The following LRRC28 variants were observed in gnomAD, a reference collection of about 807,000 sequenced individuals.
The protein encoded by LRRC28 is leucine-rich repeat-containing protein 28.
A neutral mutation model predicts 45.7 loss-of-function variants in LRRC28; 39 were observed. The ratio of observed to expected loss-of-function variants is 0.85; its 90% CI spans 0.66 to 1.12. The LOEUF (loss-of-function observed/expected upper bound fraction) is 1.12. LRRC28 is among the 50% of genes most tolerant of loss of function. LRRC28 has a pLI of 0.00. For missense variants in LRRC28, 435 were observed against 438.5 expected, an observed-to-expected ratio of 0.99 and a Z score of 0.07; for synonymous variants, 206 against 178.8, an observed-to-expected ratio of 1.15 and a Z score of -1.22.
rs577676728 is a variant in LRRC28, at chr15:99,348,128, T to A, written c.593-4241T>A. ...TGCCCATTATTTAATTGAGTTGTTT[T>A]TCTGCTATTACGTTATAAGAGTTCT... On this transcript the variant is annotated intron_variant, in intron 6 of 9. Coordinates refer to ENST00000301981, the MANE Select transcript of LRRC28 (RefSeq NM_144598.5). 4.6e-5 allele frequency among the ~76,000 whole-genome samples: 7 copies of A among 152,334 alleles called. No individual in the cohort carries two copies. In the East Asian group the frequency reaches 1.3e-3, roughly 29 times the overall value.
chr15:99,258,365 C>T (rs968536183), intron 2 of LRRC28: 32 of 1,242,738 alleles, frequency 2.6e-5, no homozygotes, highest in Non-Finnish European at 3.4e-5. Context: ...GACCATTACC[C>T]TTGTCTTAAA....
intron 6 of LRRC28, 50 bp downstream of exon 6, chr15:99,334,179 C>A: frequency 1.3e-6 from 2 of 1,591,722 alleles, no homozygotes; most frequent in Non-Finnish European, 1.7e-6. Context: ...GATGGAAAGC[C>A]TTTGTTTCTT....
intron 5 of LRRC28, among the ~76,000 whole-genome samples, chr15:99,301,288 T>G (rs1954959990): frequency 2.0e-5 from 3 of 152,212 alleles, no homozygotes; most frequent in African/African-American, 4.8e-5. Context: ...ATTTTAACCT[T>G]TTTCTTTTGA....
At chr15:99,375,498 T>C (rs1255091482) in intron 9 of LRRC28, among the ~76,000 whole-genome samples, 1 of 152,206 alleles carries the variant, frequency 6.6e-6, no homozygotes, top group Non-Finnish European at 1.5e-5. Context: ...AGTTAGGAAG[T>C]GTTCTTCTTC....
At chr15:99,375,730 G>C (rs1957609918) in intron 9 of LRRC28, among the ~76,000 whole-genome samples, 1 of 152,044 alleles carries the variant, frequency 6.6e-6, no homozygotes, top group Non-Finnish European at 1.5e-5. Context: ...CTGTTTCTTT[G>C]AAGTTGTCAG....
chr15:99,334,233 G>C (rs904314287), intron 6 of LRRC28, 104 bp downstream of exon 6: 9 of 1,292,144 alleles, frequency 7.0e-6, no homozygotes, highest in African/African-American at 1.5e-5. Context: ...TGTTTATCTT[G>C]ACGATTGCTT....
In LRRC28 at chr15:99,282,179, T is replaced by TTTTTTTTTTTTTTTG. The variant is rs1298401897; in HGVS notation, c.210-5066_210-5065insTTGTTTTTTTTTTTT. Among the ~76,000 whole-genome samples the TTTTTTTTTTTTTTTG allele has an allele frequency of 3.0e-5, 4 of 135,460 alleles. 1 individual carries two copies. The highest frequency in any genetic ancestry group is 6.3e-5 in the Non-Finnish European group (4 of 63,514). 88.9% of individuals were successfully genotyped at this position (135,460 alleles called of 152,430 possible). ...ATTCCTTATGCAAATTTTTGGAGGTTTTTTTTTTTTTTGTAGCAGTAGCTC... is the reference window on the plus strand; with the variant it reads ...ATTCCTTATGCAAATTTTTGGAGGTTTTTTTTTTTTTTTTGTTTTTTTTTTTTGTAGCAGTAGCTC... On this transcript the variant is annotated intron_variant, in intron 3 of 9. Coordinates refer to ENST00000301981, the MANE Select transcript of LRRC28 (RefSeq NM_144598.5).
chr15:99,305,674 A>G (rs1207759986), intron 5 of LRRC28, among the ~76,000 whole-genome samples: 1 of 152,124 alleles, frequency 6.6e-6, no homozygotes, highest in African/African-American at 2.4e-5. Context: ...ATGATGTGCA[A>G]ATTTGGGGTC....
chr15:99,365,711 CT>C (rs1316664476), intron 9 of LRRC28, among the ~76,000 whole-genome samples: 1 of 152,196 alleles, frequency 6.6e-6, no homozygotes, highest in Non-Finnish European at 1.5e-5. Flanking sequence ...ATGTGAACAT[CT>C]GGCATTATTT....
At chr15:99,381,932 T>C (rs190662269) in intron 9 of LRRC28, among the ~76,000 whole-genome samples, 207 of 152,340 alleles carry the variant, frequency 1.4e-3, no homozygotes, top group African/African-American at 4.1e-3. Flanking sequence ...GAGGTGTCAG[T>C]CTGCCCCTAC....
chr15:99,326,067 T>G (rs1032523552), intron 5 of LRRC28, among the ~76,000 whole-genome samples: 2 of 152,150 alleles, frequency 1.3e-5, no homozygotes, highest in Admixed American at 1.3e-4. Context: ...AGTATGGATT[T>G]TGGAGTGTGG....
intron 6 of LRRC28, among the ~76,000 whole-genome samples, chr15:99,351,714 G>A (rs1213444520): frequency 6.6e-6 from 1 of 152,112 alleles, no homozygotes; most frequent in Non-Finnish European, 1.5e-5. Flanking sequence ...CTCTGTATAA[G>A]GTGTTAAAGA....
chr15:99,321,285 CGTGA>C (rs1955787610), intron 5 of LRRC28, among the ~76,000 whole-genome samples: 1 of 152,162 alleles, frequency 6.6e-6, no homozygotes, highest in Non-Finnish European at 1.5e-5. Flanking sequence ...TATTTGCTTA[CGTGA>C]CTTCTGACAT....
intron 9 of LRRC28, among the ~76,000 whole-genome samples, chr15:99,374,205 T>C (rs542711910): frequency 8.5e-5 from 13 of 152,278 alleles, no homozygotes; most frequent in African/African-American, 3.1e-4. Flanking sequence ...ACATATATGC[T>C]ATGTTGAGTT....
intron 5 of LRRC28, among the ~76,000 whole-genome samples, chr15:99,296,720 G>A (rs2082273504): frequency 1.3e-5 from 2 of 152,310 alleles, no homozygotes; most frequent in Admixed American, 6.5e-5. Context: ...CTGCTGCAAA[G>A]TATGCCATGC....
intron 8 of LRRC28, 116 bp from the exon 9 acceptor site, chr15:99,362,990 T>G (rs1423882961): frequency 5.2e-6 from 6 of 1,159,454 alleles, no homozygotes; most frequent in Non-Finnish European, 7.2e-6. Context: ...AACAGAATTT[T>G]CAACATGAAG....
intron 5 of LRRC28, among the ~76,000 whole-genome samples, chr15:99,318,254 A>G (rs2152274023): frequency 6.6e-6 from 1 of 152,174 alleles, no homozygotes; most frequent in Admixed American, 6.5e-5. Context: ...GCAGTGAACC[A>G]GAATATCATT....
At chr15:99,340,810 C>T (rs8042249) in intron 6 of LRRC28, among the ~76,000 whole-genome samples, 60,373 of 151,902 alleles carry the variant, frequency 0.4, 12,721 homozygotes, top group African/African-American at 0.55. Flanking sequence ...ATAGTAATTG[C>T]TGGGCAGGTC....
At chr15:99,334,232 T>G in intron 6 of LRRC28, 103 bp downstream of exon 6, 2 of 1,290,822 alleles carry the variant, frequency 1.5e-6, no homozygotes, top group Middle Eastern at 1.9e-4. Flanking sequence ...CTGTTTATCT[T>G]GACGATTGCT....
Sources: allele counts gnomAD v4.1 joint callset (sites outside exome capture counted in the v4.1 genomes callset), GRCh38; gene constraint gnomAD v4.1.1; transcripts MANE v1.5; gene names NCBI Gene and HGNC (gene_info 2026-07-23, HGNC 2026-07-21).